Variants in FNDC1 observed in about 807,000 individuals in gnomAD.
FNDC1 encodes the protein fibronectin type III domain-containing protein 1.
Under a neutral mutation model 168.0 loss-of-function variants are expected in FNDC1, and 96 were observed. The ratio of observed to expected loss-of-function variants is 0.57; its 90% CI spans 0.48 to 0.68. FNDC1 has a LOEUF of 0.68. Ranked by LOEUF, FNDC1 falls within the 30% of genes least tolerant of loss-of-function variation. FNDC1 has a pLI of 0.00. For synonymous variants in FNDC1, 1,099 were observed against 1,025.9 expected, an observed-to-expected ratio of 1.07 and a Z score of -1.36; for missense variants, 2,587 against 2,482.1, an observed-to-expected ratio of 1.04 and a Z score of -0.90.
At chr6:159,263,051 G>A (rs1212379057) in intron 19 of FNDC1, among the ~76,000 whole-genome samples, 1 of 152,218 alleles carries the variant, frequency 6.6e-6, no homozygotes. Context: ...GAAAGTCAAC[G>A]TAGTGTGTGA....
chr6:159,270,316 C>T (rs553783703), intron 22 of FNDC1, among the ~76,000 whole-genome samples: 1 of 152,338 alleles, frequency 6.6e-6, no homozygotes, highest in African/African-American at 2.4e-5. Context: ...ATGGTAATCT[C>T]ATCTAAGAAA....
Position 159,225,523 on chromosome 6 carries a change from G to C in FNDC1, c.885-12G>C, listed in dbSNP as rs1214896991. 1 of 1,592,498 alleles carries C rather than the reference G, an allele frequency of 6.3e-7. No homozygotes were observed. The highest frequency in any genetic ancestry group is 1.1e-5 in the South Asian group (1 of 88,368). ...GAATTTGGACAGATCATTGTGTTGT[G>C]TTTTCTTACAGACAGTACACCGTGC... On this transcript the variant is annotated splice_polypyrimidine_tract_variant and intron_variant, in intron 7 of 22. Transcript: ENST00000297267.
At chr6:159,227,189 G>A (rs991356127) in intron 9 of FNDC1, among the ~76,000 whole-genome samples, 18 of 152,242 alleles carry the variant, frequency 1.2e-4, no homozygotes, top group Non-Finnish European at 2.2e-4. Flanking sequence ...AAATAAACAT[G>A]AAAATCTTTT....
At chr6:159,227,000 A>G (rs1435096040) in intron 9 of FNDC1, among the ~76,000 whole-genome samples, 1 of 152,250 alleles carries the variant, frequency 6.6e-6, no homozygotes, top group Non-Finnish European at 1.5e-5. Flanking sequence ...TGAAAAACTC[A>G]AGTAATAATC....
chr6:159,188,405 T>C (rs10945597), intron 1 of FNDC1, among the ~76,000 whole-genome samples: 65,159 of 148,638 alleles, frequency 0.44, 17,323 homozygotes, highest in African/African-American at 0.74. Flanking sequence ...GACAGAGTCT[T>C]GCTCTGTTGC....
intron 1 of FNDC1, among the ~76,000 whole-genome samples, chr6:159,187,249 G>A (rs557079364): frequency 6.6e-5 from 10 of 152,316 alleles, no homozygotes; most frequent in African/African-American, 2.4e-4. Flanking sequence ...AGTGAGGAAT[G>A]TGAACCAGGG....
At chr6:159,255,744 G>C (rs768390655) in intron 17 of FNDC1, among the ~76,000 whole-genome samples, 3 of 152,184 alleles carry the variant, frequency 2.0e-5, no homozygotes, top group Non-Finnish European at 4.4e-5. Context: ...GTACCTAGCT[G>C]GCATAATGTT....
At chr6:159,221,942 C>A (rs915729285) in intron 6 of FNDC1, among the ~76,000 whole-genome samples, 3 of 152,146 alleles carry the variant, frequency 2.0e-5, no homozygotes, top group Non-Finnish European at 4.4e-5. Flanking sequence ...AGATTTGCTG[C>A]GATAGGAGCA....
intron 19 of FNDC1, among the ~76,000 whole-genome samples, chr6:159,263,050 C>G (rs553068): frequency 6.6e-6 from 1 of 152,098 alleles, no homozygotes; most frequent in Non-Finnish European, 1.5e-5. Context: ...AGAAAGTCAA[C>G]GTAGTGTGTG....
intron 3 of FNDC1, 112 bp from the exon 4 acceptor site, chr6:159,200,401 C>A (rs1220514102): frequency 3.6e-6 from 3 of 838,932 alleles, no homozygotes; most frequent in Non-Finnish European, 5.7e-6. Flanking sequence ...CTGAGCAGAT[C>A]CTTTTGAAGA....
rs762962324 is a variant in FNDC1 at position 159,214,983 on chromosome 6, C to G, written c.499C>G (p.Arg167Gly). 6.2e-7 allele frequency: 1 copy of G among 1,613,980 alleles called. No individual in the cohort carries two copies. The highest frequency in any genetic ancestry group is 8.5e-7 in the Non-Finnish European group (1 of 1,179,898). ...VPNKPLRVRV[R>G]SSDDRLSVAW... ...CAACAAGCCCTTGCGTGTGCGTGTC[C>G]GGTCCTCAGATGACAGGCTGTCCGT... The change falls in exon 5 of 23, where the codon CGG becomes GGG. Residue 167 changes from arginine (R) to glycine (G), a missense_variant. Coordinates refer to ENST00000297267, the MANE Select transcript of FNDC1 (RefSeq NM_032532.3).
intron 17 of FNDC1, among the ~76,000 whole-genome samples, chr6:159,254,191 C>G (rs756397155): frequency 4.6e-5 from 7 of 152,148 alleles, no homozygotes; most frequent in Non-Finnish European, 8.8e-5. Context: ...TGATCTTTTC[C>G]TTCTTCTTAA....
chr6:159,249,744 G>A (rs1271877966), intron 16 of FNDC1, among the ~76,000 whole-genome samples: 2 of 152,218 alleles, frequency 1.3e-5, no homozygotes, highest in African/African-American at 2.4e-5. Flanking sequence ...AAACTAAACT[G>A]CATTAAGTCT....
rs941784326 is a variant in FNDC1, at chr6:159,236,212, T to C, written c.3968-3T>C. On this transcript the variant is annotated splice_polypyrimidine_tract_variant and splice_region_variant and intron_variant, in intron 11 of 22. Coordinates refer to ENST00000297267, the MANE Select transcript of FNDC1 (RefSeq NM_032532.3). Reference sequence around the variant, plus strand: ...TGTTATTTTTATTTTTGGTACTGTGTAGGTTATAATGGCAGACCAAATGTA... The same window carrying C: ...TGTTATTTTTATTTTTGGTACTGTGCAGGTTATAATGGCAGACCAAATGTA... 1.2e-6 allele frequency: 2 copies of C among 1,608,398 alleles called. No individual in the cohort carries two copies. The highest frequency in any genetic ancestry group is 1.7e-6 in the Non-Finnish European group (2 of 1,175,096).
At chr6:159,260,412 C>G (rs1777459043) in intron 18 of FNDC1, among the ~76,000 whole-genome samples, 1 of 152,246 alleles carries the variant, frequency 6.6e-6, no homozygotes, top group South Asian at 2.1e-4. Flanking sequence ...AGGCATCATG[C>G]TTTCCAGCAC....
In FNDC1 at chr6:159,238,570, G is replaced by T. The variant is rs768058077; in HGVS notation, c.4085G>T (p.Arg1362Leu). The T allele has an allele frequency of 6.2e-7, 1 of 1,610,012 alleles. No homozygotes were observed. The highest frequency in any genetic ancestry group is 1.1e-5 in the South Asian group (1 of 89,692). ...TGGATTTAGGTTGTGGACCTTGATC[G>T]TGGGTTAGTATTGAATGCAGAAGGA... is the stretch of plus-strand genomic sequence containing the variant. ...QGTKWVVDLD[R>L]GLVLNAEGRY... The change falls in exon 13 of 23, where the codon CGT (arginine) becomes CTT (leucine). Residue 1362 changes from arginine to leucine, a missense_variant. Arg to Leu is a moderately radical substitution (Grantham distance 102). Coordinates refer to ENST00000297267, the MANE Select transcript of FNDC1 (RefSeq NM_032532.3).
intron 1 of FNDC1, among the ~76,000 whole-genome samples, chr6:159,182,090 A>G (rs1327664584): frequency 6.6e-6 from 1 of 152,174 alleles, no homozygotes; most frequent in Admixed American, 6.5e-5. Context: ...AACCACACCC[A>G]AAGGATGTGA....
chr6:159,253,809 A>T (rs1055353688), intron 17 of FNDC1, among the ~76,000 whole-genome samples: 1 of 152,206 alleles, frequency 6.6e-6, no homozygotes, highest in Admixed American at 6.5e-5. Flanking sequence ...AGTGCCTTAC[A>T]TGGGAAACGC....
chr6:159,270,174 T>C (rs1298681246), intron 22 of FNDC1, among the ~76,000 whole-genome samples: 1 of 152,288 alleles, frequency 6.6e-6, no homozygotes, highest in Non-Finnish European at 1.5e-5. Flanking sequence ...CTAGGCTGCC[T>C]TTTGGTTAAA....
Sources: gnomAD v4.1 joint callset for allele counts (sites outside exome capture counted in the v4.1 genomes callset) on GRCh38, gnomAD v4.1.1 for gene constraint, MANE v1.5 for transcripts, NCBI Gene and HGNC (gene_info 2026-07-23, HGNC 2026-07-21) for gene names.